FANCL: variants seen among roughly 807,000 people sequenced by gnomAD.
FANCL encodes E3 ubiquitin-protein ligase FANCL.
In FANCL, 69 loss-of-function variants were observed where a neutral mutation model predicts 59.4. The ratio of observed to expected loss-of-function variants is 1.16; its 90% CI spans 0.96 to 1.42. The LOEUF (loss-of-function observed/expected upper bound fraction) is 1.42. Among genes scored for constraint, FANCL ranks in the 40% most tolerant of loss-of-function variants. FANCL has a pLI of 0.00. For synonymous variants in FANCL, 180 were observed against 147.1 expected (o/e 1.22, Z -1.62); for missense variants, 519 against 447.2 (o/e 1.16, Z -1.45).
At chr2:58,219,179 T>A (rs1425978036) in intron 5 of FANCL, among the ~76,000 whole-genome samples, 74 of 76,976 alleles carry the variant, frequency 9.6e-4, no homozygotes, top group Middle Eastern at 7.2e-3. Context: ...AAAATATATA[T>A]ATATATATAT....
intron 6 of FANCL, among the ~76,000 whole-genome samples, chr2:58,201,803 G>GT (rs1323476501): frequency 2.0e-5 from 3 of 151,776 alleles, no homozygotes; most frequent in Non-Finnish European, 2.9e-5. Flanking sequence ...TGTTTTCTTT[G>GT]TGAGTTTCTT....
chr2:58,234,834 C>T (rs1693868515), intron 1 of FANCL, among the ~76,000 whole-genome samples: 1 of 151,896 alleles, frequency 6.6e-6, no homozygotes, highest in South Asian at 2.1e-4. Context: ...TGTTAAGAAA[C>T]TGAAGAGAAC....
intron 7 of FANCL, among the ~76,000 whole-genome samples, chr2:58,175,367 T>C (rs1183861796): frequency 6.7e-6 from 1 of 149,986 alleles, no homozygotes. Context: ...TTGATGAACA[T>C]TGATGCAAAA....
Position 58,226,752 on chromosome 2 carries a change from A to C in FANCL, c.249T>G (p.Phe83Leu). Reference protein sequence around the residue: ...RMQHSPDLMSFMMELKMLLEV... With the variant: ...RMQHSPDLMSLMMELKMLLEV... ...CCAAAAGCATCTTCAACTCCATCATAAAGCTCATTAGATCAGGAGAGTGCT... is the reference window on the plus strand; with the variant it reads ...CCAAAAGCATCTTCAACTCCATCATCAAGCTCATTAGATCAGGAGAGTGCT... The change falls in exon 4 of 14, where the codon TTT becomes TTG. Residue 83 changes from phenylalanine (F) to leucine (L), a missense_variant. By Grantham distance (22) the Phe-to-Leu change is conservative. Transcript: ENST00000233741. The C allele has an allele frequency of 6.2e-7, 1 of 1,613,608 alleles. No individual in the cohort carries two copies. Among genetic ancestry groups the C allele is most frequent in the Non-Finnish European group, 8.5e-7 (1 of 1,179,720 alleles).
intron 7 of FANCL, 85 bp from the exon 8 acceptor site, chr2:58,165,959 A>C: frequency 1.4e-6 from 2 of 1,400,482 alleles, no homozygotes; most frequent in Non-Finnish European, 2.0e-6. Context: ...CTCAATTTAG[A>C]AATTTTAAGC....
chr2:58,179,560 C>T (rs1203422539), intron 7 of FANCL, among the ~76,000 whole-genome samples: 1 of 152,156 alleles, frequency 6.6e-6, no homozygotes, highest in Non-Finnish European at 1.5e-5. Flanking sequence ...GGACCCCTCC[C>T]TTACACCTTA....
chr2:58,236,479 C>G (rs1406760133), intron 1 of FANCL, among the ~76,000 whole-genome samples: 1 of 149,260 alleles, frequency 6.7e-6, no homozygotes, highest in Non-Finnish European at 1.5e-5. Flanking sequence ...AAAAAACACA[C>G]ACACACACAG....
intron 7 of FANCL, among the ~76,000 whole-genome samples, chr2:58,197,009 G>A (rs1247438799): frequency 4.0e-5 from 6 of 151,352 alleles, no homozygotes; most frequent in Admixed American, 2.6e-4. Flanking sequence ...TAAAATTTAT[G>A]CATAATTCCA....
At chr2:58,229,445 C>A (rs1195212718) in intron 3 of FANCL, among the ~76,000 whole-genome samples, 1 of 152,158 alleles carries the variant, frequency 6.6e-6, no homozygotes. Flanking sequence ...TTTTCTGTTG[C>A]TAATCTAGGA....
rs762338908 is a variant in FANCL, at chr2:58,241,222, G to C, written c.92C>G (p.Ala31Gly). The C allele has an allele frequency of 6.2e-7, 1 of 1,614,240 alleles. No homozygotes were observed. The highest frequency in any genetic ancestry group is 1.1e-5 in the South Asian group (1 of 91,090). ...AAGCAACCACTGGGCGGGTACCTGAGCCGAGATGAATCCCTCATACACGGT... is the reference window on the plus strand; with the variant it reads ...AAGCAACCACTGGGCGGGTACCTGACCCGAGATGAATCCCTCATACACGGT... ...SKTVYEGFIS[A>G]QGRDFHLRIV... is the part of the protein sequence containing the mutation. The change falls in exon 1 of 14, where the codon GCT (alanine) becomes GGT (glycine). Residue 31 changes from alanine to glycine, a missense_variant. Ala to Gly is a moderately conservative substitution (Grantham distance 60, BLOSUM62 0). Transcript: ENST00000233741.
At chr2:58,228,134 A>C (rs895272493) in intron 3 of FANCL, among the ~76,000 whole-genome samples, 2 of 152,166 alleles carry the variant, frequency 1.3e-5, no homozygotes, top group African/African-American at 4.8e-5. Flanking sequence ...TCCTCTCACA[A>C]CTAATCCATA....
intron 1 of FANCL, among the ~76,000 whole-genome samples, chr2:58,240,197 CAAG>C (rs1258517516): frequency 1.3e-5 from 2 of 151,200 alleles, no homozygotes; most frequent in East Asian, 1.9e-4. Context: ...CTAGGTAATT[CAAG>C]AAGAATACTT....
chr2:58,214,432 G>A (rs926706256), intron 5 of FANCL, among the ~76,000 whole-genome samples: 3 of 151,276 alleles, frequency 2.0e-5, no homozygotes, highest in Admixed American at 6.6e-5. Context: ...CCTTCTTATC[G>A]TGGTCATAAT....
At chr2:58,176,588 T>C (rs1000603479) in intron 7 of FANCL, among the ~76,000 whole-genome samples, 52 of 152,224 alleles carry the variant, frequency 3.4e-4, no homozygotes, top group Non-Finnish European at 2.9e-5. Flanking sequence ...TGTAGGAAGC[T>C]GAAACCGGAT....
intron 5 of FANCL, among the ~76,000 whole-genome samples, chr2:58,219,963 C>T (rs1003190405): frequency 6.6e-6 from 1 of 152,102 alleles, no homozygotes; most frequent in African/African-American, 2.4e-5. Context: ...ATACAACATC[C>T]TTTAATCCAA....
Position 58,161,581 on chromosome 2 carries a change from C to A in FANCL, c.961G>T (p.Asp321Tyr). 2 of 1,611,612 alleles carry A rather than the reference C, an allele frequency of 1.2e-6. No homozygotes were observed. Among genetic ancestry groups the A allele is most frequent in the Non-Finnish European group, 1.7e-6 (2 of 1,178,144 alleles). The change falls in exon 12 of 14, where the codon GAT (aspartate) becomes TAT (tyrosine). Residue 321 changes from aspartate to tyrosine, a missense_variant. Asp to Tyr is a radical substitution (Grantham distance 160). Transcript: ENST00000233741. ...CACTGAGAATTATCACACACTTGATCAGGAATGGTACCGTCAAGTTGATAA... is the reference window on the plus strand; with the variant it reads ...CACTGAGAATTATCACACACTTGATAAGGAATGGTACCGTCAAGTTGATAA... Reference protein sequence around the residue: ...YAYQLDGTIPDQVCDNSQCGQ... With the variant: ...YAYQLDGTIPYQVCDNSQCGQ...
At chr2:58,181,243 A>C (rs1573605600) in intron 7 of FANCL, among the ~76,000 whole-genome samples, 1 of 152,084 alleles carries the variant, frequency 6.6e-6, no homozygotes, top group Non-Finnish European at 1.5e-5. Flanking sequence ...CTATTGGTCC[A>C]TGTCACAACA....
intron 5 of FANCL, among the ~76,000 whole-genome samples, chr2:58,206,702 C>T (rs1690620174): frequency 6.6e-6 from 1 of 152,162 alleles, no homozygotes; most frequent in Non-Finnish European, 1.5e-5. Flanking sequence ...AGAAAAAGTG[C>T]CACGCTCAAA....
intron 7 of FANCL, among the ~76,000 whole-genome samples, chr2:58,176,174 G>C (rs894781732): frequency 2.0e-5 from 3 of 152,126 alleles, no homozygotes; most frequent in African/African-American, 7.2e-5. Context: ...TGGGTAGGAA[G>C]AATCAATATC....
Sources: gnomAD v4.1 joint callset for allele counts (sites outside exome capture counted in the v4.1 genomes callset) on GRCh38, gnomAD v4.1.1 for gene constraint, MANE v1.5 for transcripts, NCBI Gene and HGNC (gene_info 2026-07-23, HGNC 2026-07-21) for gene names.